The following XIRP1 variants were observed in gnomAD, a reference collection of about 807,000 sequenced individuals.
XIRP1 encodes xin actin binding repeat containing 1.
For synonymous variants in XIRP1, 984 were observed against 947.0 expected, an observed-to-expected ratio of 1.04 and a Z score of -0.72; for missense variants, 2,378 against 2,345.4, an observed-to-expected ratio of 1.01 and a Z score of -0.29.
Position 39,186,105 on chromosome 3 carries a change from G to A in XIRP1, c.3341C>T (p.Pro1114Leu). 2 of 1,613,490 alleles carry A rather than the reference G, an allele frequency of 1.2e-6. No individual in the cohort carries two copies. The highest frequency in any genetic ancestry group is 1.7e-6 in the Non-Finnish European group (2 of 1,179,596). The stretch of plus-strand genomic sequence containing the variant: ...CCTACTGACCTTTCTGGGGGCTGCT[G>A]GGATCCGGGGATCACTTCCACCCCC... ...RPGGGSDPRIPAAPRKVSREE... is the reference protein window; with the variant it reads ...RPGGGSDPRILAAPRKVSREE... Residue 1114 changes from proline (P) to leucine (L), a missense_variant, in exon 2 of 2, where the codon CCA (proline) becomes CTA (leucine). Physicochemically the swap from Pro to Leu is moderately conservative, Grantham distance 98. Coordinates refer to ENST00000340369, the MANE Select transcript of XIRP1 (RefSeq NM_194293.4).
At position 39,187,017 on chromosome 3, in the gene XIRP1, G is replaced by A. The variant is rs2039991395; in HGVS notation, c.2429C>T (p.Thr810Ile). The A allele has an allele frequency of 2.5e-6, 4 of 1,607,826 alleles. No individual in the cohort carries two copies. Among genetic ancestry groups the A allele is most frequent in the African/African-American group, 1.3e-5 (1 of 74,804 alleles). ...TCGTATATAAGGGTGCCCCTGCCCT[G>A]TGCCCGAGAGCACATACTTGGCAAG... ...LCLAKYVLSG[T>I]GQGHPYIRKE... Residue 810 changes from threonine to isoleucine, a missense_variant, in exon 2 of 2, where the codon ACA becomes ATA. Thr to Ile is a moderately conservative substitution (Grantham distance 89, BLOSUM62 -1). Coordinates refer to ENST00000340369, the MANE Select transcript of XIRP1 (RefSeq NM_194293.4).
At position 39,189,438 on chromosome 3, in the gene XIRP1, T is replaced by C; in HGVS notation, c.8A>G (p.Asp3Gly). 6.3e-7 allele frequency: 1 copy of C among 1,584,428 alleles called. No individual in the cohort carries two copies. Among genetic ancestry groups the C allele is most frequent in the South Asian group, 1.2e-5 (1 of 86,040 alleles). Residue 3 changes from aspartate to glycine, a missense_variant, in exon 2 of 2, where the codon GAC becomes GGC. Asp to Gly is a moderately conservative substitution (Grantham distance 94, BLOSUM62 -1). Transcript: ENST00000340369. Reference sequence around the variant, plus strand: ...TGTGGGGGCCACCTGTGTCTGGGTGTCGGCCATCCTTCTGAGAAGAAGGGG... The same window carrying C: ...TGTGGGGGCCACCTGTGTCTGGGTGCCGGCCATCCTTCTGAGAAGAAGGGG... Reference protein sequence around the residue: MADTQTQVAPTPT... With the variant: MAGTQTQVAPTPT...
chr3:39,183,522 TAAAG>T lies in XIRP1; in HGVS notation c.*388_*391del, dbSNP rs1398065608. The T allele has an allele frequency of 1.1e-5, 2 of 185,270 alleles. No homozygotes were observed. Among genetic ancestry groups the T allele is most frequent in the Admixed American group, 5.5e-5 (1 of 18,170 alleles). 11.5% of individuals were successfully genotyped at this position (185,270 alleles called of 1,614,324 possible). On this transcript the variant is annotated 3_prime_UTR_variant, in exon 2 of 2. Transcript: ENST00000340369. Reference sequence around the variant, plus strand: ...GATGGCTGGGAACACTCAGACTAATTAAAGAAATAAAAACTCTGGGTAGAGGGAC... The same window carrying T: ...GATGGCTGGGAACACTCAGACTAATTAAATAAAAACTCTGGGTAGAGGGAC...
At position 39,186,882 on chromosome 3, in the gene XIRP1, A is replaced by T; in HGVS notation, c.2564T>A (p.Leu855His). ...TGGCAGCCTCAGCGGCTTGAGTTGGAGCTGGCCAGTTGGGTCTTCCTGCAC... is the reference window on the plus strand; with the variant it reads ...TGGCAGCCTCAGCGGCTTGAGTTGGTGCTGGCCAGTTGGGTCTTCCTGCAC... ...LLVQEDPTGQ[L>H]QLKPLRLPTP... Residue 855 changes from leucine to histidine, a missense_variant, in exon 2 of 2, where the codon CTC (leucine) becomes CAC (histidine). Physicochemically the swap from Leu to His is moderately conservative, Grantham distance 99. Coordinates refer to ENST00000340369, the MANE Select transcript of XIRP1 (RefSeq NM_194293.4). 1 of 1,613,830 alleles carries T rather than the reference A, an allele frequency of 6.2e-7. No homozygotes were observed. The highest frequency in any genetic ancestry group is 1.1e-5 in the South Asian group (1 of 91,076).
intron 1 of XIRP1, 127 bp from the exon 2 acceptor site, chr3:39,189,652 G>A (rs1225467270): frequency 1.4e-6 from 1 of 703,748 alleles, no homozygotes; most frequent in East Asian, 2.8e-5. Context: ...TGGTTCGTGG[G>A]CAACAGGTCT....
chr3:39,187,399 A>C lies in XIRP1; in HGVS notation c.2047T>G (p.Cys683Gly), dbSNP rs200956905. Residue 683 changes from cysteine (C) to glycine (G), a missense_variant, in exon 2 of 2, where the codon TGC becomes GGC. By Grantham distance (159) the Cys-to-Gly change is radical (BLOSUM62 -3). Coordinates refer to ENST00000340369, the MANE Select transcript of XIRP1 (RefSeq NM_194293.4). The part of the protein sequence containing the change: ...RPCGRRPVRY[C>G]SRVEIPSGQV... Reference sequence around the variant, plus strand: ...CCTGAAGGGATCTCCACGCGGCTGCAGTATCTCACAGGCCGTCTTCCACAG... The same window carrying C: ...CCTGAAGGGATCTCCACGCGGCTGCCGTATCTCACAGGCCGTCTTCCACAG... 1.6e-5 allele frequency: 26 copies of C among 1,614,182 alleles called. No homozygotes were observed. In the African/African-American group the frequency reaches 3.3e-4, roughly 21 times the overall value.
chr3:39,185,029 C>A lies in XIRP1; in HGVS notation c.4417G>T (p.Gly1473Cys), dbSNP rs748952463. ...SLQRNQKELQ[G>C]LLNQVQALEK... ...AGGGCTTGCACCTGGTTCAGGAGGC[C>A]CTGGAGCTCTTTCTGGTTTCTTTGC... Residue 1473 changes from glycine (G) to cysteine (C), a missense_variant, in exon 2 of 2, where the codon GGC becomes TGC. By Grantham distance (159) the Gly-to-Cys change is radical (BLOSUM62 -3). Transcript: ENST00000340369. The A allele has an allele frequency of 1.3e-6, 2 of 1,520,944 alleles. No homozygotes were observed. The highest frequency in any genetic ancestry group is 1.8e-6 in the Non-Finnish European group (2 of 1,137,762). The allele number at this position is 1,520,944 out of a possible 1,614,324, so 94.2% of individuals were successfully genotyped here.
Position 39,188,243 on chromosome 3 carries a change from G to C in XIRP1, c.1203C>G (p.His401Gln). The stretch of plus-strand genomic sequence containing the variant: ...CGTCCTGGGGATCCACTCGCTGTAG[G>C]TGACCCACTTGGACCTTGTCTCTGA... Reference protein sequence around the residue: ...DAFRDKVQVGHLQRVDPQDGE... With the variant: ...DAFRDKVQVGQLQRVDPQDGE... Residue 401 changes from histidine to glutamine, a missense_variant, in exon 2 of 2, where the codon CAC becomes CAG. Physicochemically the swap from His to Gln is conservative, Grantham distance 24. Transcript: ENST00000340369. 1 of 1,614,202 alleles carries C rather than the reference G, an allele frequency of 6.2e-7. No individual in the cohort carries two copies.
Position 39,184,605 on chromosome 3 carries a change from T to G in XIRP1, c.4841A>C (p.Lys1614Thr). The G allele has an allele frequency of 6.2e-7, 1 of 1,613,840 alleles. No homozygotes were observed. Among genetic ancestry groups the G allele is most frequent in the South Asian group, 1.1e-5 (1 of 91,084 alleles). Reference protein sequence around the residue: ...GGQTAVKNQAKVECHTEAQSQ... With the variant: ...GGQTAVKNQATVECHTEAQSQ... The stretch of plus-strand genomic sequence containing the variant: ...CTGGGCCTCAGTGTGGCATTCAACC[T>G]TGGCTTGGTTCTTGACTGCAGTTTG... Residue 1614 changes from lysine (K) to threonine (T), a missense_variant, in exon 2 of 2, where the codon AAG becomes ACG. Coordinates refer to ENST00000340369, the MANE Select transcript of XIRP1 (RefSeq NM_194293.4).
At chr3:39,191,043 G>A (rs930213657) in intron 1 of XIRP1, among the ~76,000 whole-genome samples, 1 of 152,200 alleles carries the variant, frequency 6.6e-6, no homozygotes, top group African/African-American at 2.4e-5. Context: ...GTCTGCACTG[G>A]GGGGAGGTAC....
chr3:39,189,530 G>C lies in XIRP1; in HGVS notation c.-80-5C>G. 1 of 1,513,730 alleles carries C rather than the reference G, an allele frequency of 6.6e-7. No homozygotes were observed. Among genetic ancestry groups the C allele is most frequent in the Admixed American group, 2.2e-5 (1 of 44,532 alleles). The allele number at this position is 1,513,730 out of a possible 1,614,324, so 93.8% of individuals were successfully genotyped here. A position where few individuals can be genotyped will look rare whatever the true frequency, so the allele number is the denominator to read the frequency against. On this transcript the variant is annotated splice_region_variant and splice_polypyrimidine_tract_variant and intron_variant, in intron 1 of 1. Coordinates refer to ENST00000340369, the MANE Select transcript of XIRP1 (RefSeq NM_194293.4). ...CAGCAGGGTAGAGGCTGGATGCTGGGAGAAATGGTAGTAAACAGGGCTCAG... is the reference window on the plus strand; with the variant it reads ...CAGCAGGGTAGAGGCTGGATGCTGGCAGAAATGGTAGTAAACAGGGCTCAG...
In XIRP1 at chr3:39,183,469, T is replaced by C. The variant is rs1297583175; in HGVS notation, c.*445A>G. Reference sequence around the variant, plus strand: ...GAGACCAACGCTGTGTCCAGTTGGCTCTGTTCCTCTCCAGGGATTAAGGAG... The same window carrying C: ...GAGACCAACGCTGTGTCCAGTTGGCCCTGTTCCTCTCCAGGGATTAAGGAG... On this transcript the variant is annotated 3_prime_UTR_variant, in exon 2 of 2. Coordinates refer to ENST00000340369, the MANE Select transcript of XIRP1 (RefSeq NM_194293.4). 2 of 162,598 alleles carry C rather than the reference T, an allele frequency of 1.2e-5. No individual in the cohort carries two copies. Among genetic ancestry groups the C allele is most frequent in the African/African-American group, 4.8e-5 (2 of 41,610 alleles). 10.1% of individuals were successfully genotyped at this position (162,598 alleles called of 1,614,324 possible).
chr3:39,188,008 C>G lies in XIRP1; in HGVS notation c.1438G>C (p.Gly480Arg), dbSNP rs754015721. ...TCCTGCATGGCATACACTGGGGACC[C>G]TATGCCCTGGGCCTGCCCAGCAGAA... The part of the protein sequence containing the change: ...TDSAGQAQGI[G>R]SPVYAMQDSK... Residue 480 changes from glycine to arginine, a missense_variant, in exon 2 of 2, where the codon GGG (glycine) becomes CGG (arginine). Transcript: ENST00000340369. 1 of 1,614,208 alleles carries G rather than the reference C, an allele frequency of 6.2e-7. No homozygotes were observed. Among genetic ancestry groups the G allele is most frequent in the Admixed American group, 1.7e-5 (1 of 60,038 alleles).
chr3:39,187,050 TC>T lies in XIRP1; in HGVS notation c.2395del (p.Glu799SerfsTer62). ...GILMEARGPGELCLAKYVLSG... is the reference protein window; with the variant it reads ...GILMEARGPGXLCLAKYVLSG... ...GAGCACATACTTGGCAAGACAGAGC[TC>T]CCCTGGCCCTCGGGCCTCCATGAGG... On this transcript the variant is annotated frameshift_variant, in exon 2 of 2. Transcript: ENST00000340369. LOFTEE classifies it low-confidence loss of function (END_TRUNC). 6.2e-7 allele frequency: 1 copy of T among 1,611,524 alleles called. No individual in the cohort carries two copies. Among genetic ancestry groups the T allele is most frequent in the Non-Finnish European group, 8.5e-7 (1 of 1,177,936 alleles).
In XIRP1 at chr3:39,189,019, G is replaced by A. The variant is rs1391312073; in HGVS notation, c.427C>T (p.Pro143Ser). Residue 143 changes from proline to serine, a missense_variant, in exon 2 of 2, where the codon CCA becomes TCA. Pro to Ser is a moderately conservative substitution (Grantham distance 74). Coordinates refer to ENST00000340369, the MANE Select transcript of XIRP1 (RefSeq NM_194293.4). ...CCTCCACCTGGCTGGGGCCTGGTTGGCTCCTGGTCTGTGCTGTTGGCAAAG... is the reference window on the plus strand; with the variant it reads ...CCTCCACCTGGCTGGGGCCTGGTTGACTCCTGGTCTGTGCTGTTGGCAAAG... Reference protein sequence around the residue: ...GSFANSTDQEPTRPQPGGGDV... With the variant: ...GSFANSTDQESTRPQPGGGDV... 12 of 1,613,982 alleles carry A rather than the reference G, an allele frequency of 7.4e-6. No individual in the cohort carries two copies. Among genetic ancestry groups the A allele is most frequent in the Non-Finnish European group, 1.0e-5 (12 of 1,180,054 alleles).
chr3:39,189,036 T>C lies in XIRP1; in HGVS notation c.410A>G (p.Asn137Ser), dbSNP rs1388339081. 1 of 1,614,022 alleles carries C rather than the reference T, an allele frequency of 6.2e-7. No individual in the cohort carries two copies. Among genetic ancestry groups the C allele is most frequent in the Admixed American group, 1.7e-5 (1 of 60,010 alleles). ...SRKFEEGSFANSTDQEPTRPQ... is the reference protein window; with the variant it reads ...SRKFEEGSFASSTDQEPTRPQ... ...CCTGGTTGGCTCCTGGTCTGTGCTG[T>C]TGGCAAAGGAGCCTTCCTCAAACTT... is the stretch of plus-strand genomic sequence containing the variant. The change falls in exon 2 of 2, where the codon AAC becomes AGC. Residue 137 changes from asparagine to serine, a missense_variant. Coordinates refer to ENST00000340369, the MANE Select transcript of XIRP1 (RefSeq NM_194293.4).
chr3:39,188,853 C>G lies in XIRP1; in HGVS notation c.593G>C (p.Arg198Pro). 2 of 1,612,530 alleles carry G rather than the reference C, an allele frequency of 1.2e-6. No homozygotes were observed. The highest frequency in any genetic ancestry group is 1.7e-6 in the Non-Finnish European group (2 of 1,180,034). Residue 198 changes from arginine (R) to proline (P), a missense_variant, in exon 2 of 2, where the codon CGG (arginine) becomes CCG (proline). Physicochemically the swap from Arg to Pro is moderately radical, Grantham distance 103. Coordinates refer to ENST00000340369, the MANE Select transcript of XIRP1 (RefSeq NM_194293.4). ...GCGGGAGCCCAGGCGGTCCAGCGGC[C>G]GCGTCTCAAAGAGCATCCTGGTACC... is the stretch of plus-strand genomic sequence containing the variant. ...VQGTRMLFET[R>P]PLDRLGSRPS...
At position 39,185,062 on chromosome 3, in the gene XIRP1, C is replaced by T; in HGVS notation, c.4384G>A (p.Asp1462Asn). ...GSHQGAPESPDSLQRNQKELQ... is the reference protein window; with the variant it reads ...GSHQGAPESPNSLQRNQKELQ... ...TCTTTCTGGTTTCTTTGCAGACTGT[C>T]AGGGCTCTCAGGGGCCCCTTGGTGG... The change falls in exon 2 of 2, where the codon GAC becomes AAC. Residue 1462 changes from aspartate to asparagine, a missense_variant. Physicochemically the swap from Asp to Asn is conservative, Grantham distance 23. Coordinates refer to ENST00000340369, the MANE Select transcript of XIRP1 (RefSeq NM_194293.4). 2.6e-6 allele frequency: 4 copies of T among 1,523,530 alleles called. No individual in the cohort carries two copies. In the South Asian group the frequency reaches 5.3e-5, roughly 20 times the overall value. The allele number at this position is 1,523,530 out of a possible 1,614,324, so 94.4% of individuals were successfully genotyped here.
chr3:39,187,646 A>G lies in XIRP1; in HGVS notation c.1800T>C (p.Thr600=). Residue 600 remains threonine, a synonymous_variant, in exon 2 of 2, where the codon ACT becomes ACC. Coordinates refer to ENST00000340369, the MANE Select transcript of XIRP1 (RefSeq NM_194293.4). The part of the protein sequence containing the change: ...DVQTIRWLFE[T]CPMSELAEKQ... ...TTTCGGCCAACTCACTCATTGGGCA[A>G]GTCTCGAACAACCACCGGATGGTCT... The G allele has an allele frequency of 1.9e-6, 3 of 1,614,070 alleles. No homozygotes were observed. Among genetic ancestry groups the G allele is most frequent in the Non-Finnish European group, 2.5e-6 (3 of 1,180,014 alleles).
Sources: gnomAD v4.1 joint callset for allele counts (sites outside exome capture counted in the v4.1 genomes callset) on GRCh38, gnomAD v4.1.1 for gene constraint, MANE v1.5 for transcripts, NCBI Gene and HGNC (gene_info 2026-07-23, HGNC 2026-07-21) for gene names.